ACYP2: variants seen among roughly 807,000 people sequenced by gnomAD.
ACYP2 encodes acylphosphatase 2.
A neutral mutation model predicts 11.2 loss-of-function variants in ACYP2; 12 were observed. That is an observed-to-expected ratio of 1.08 (90% confidence interval 0.69 to 1.74). The LOEUF (loss-of-function observed/expected upper bound fraction) is 1.74, where lower values mean the gene tolerates loss of function less well. ACYP2 is among the 40% of genes most tolerant of loss of function. The pLI is 0.00. For missense variants in ACYP2, 134 were observed against 101.9 expected, an observed-to-expected ratio of 1.31 and a Z score of -1.35; for synonymous variants, 43 against 32.2, an observed-to-expected ratio of 1.33 and a Z score of -1.13.
chr2:54,009,975 C>CCT (rs1217005304), intron 2 of ACYP2, among the ~76,000 whole-genome samples: 1 of 152,128 alleles, frequency 6.6e-6, no homozygotes, highest in Non-Finnish European at 1.5e-5. Flanking sequence ...ACCCTAAAAT[C>CCT]TGCAGCTTTA....
At chr2:54,129,000 C>T (rs13420388) in intron 4 of ACYP2, among the ~76,000 whole-genome samples, 7,853 of 152,162 alleles carry the variant, frequency 0.052, 630 homozygotes, top group African/African-American at 0.18. Flanking sequence ...TTCCTTAATC[C>T]GGTCAAATTG....
intron 4 of ACYP2, among the ~76,000 whole-genome samples, chr2:54,114,176 G>T (rs563831690): frequency 2.0e-4 from 31 of 152,288 alleles, no homozygotes; most frequent in African/African-American, 6.7e-4. Context: ...CCAAGGTATT[G>T]AGGCCAACAA....
At chr2:54,125,822 C>G (rs956076451) in intron 4 of ACYP2, among the ~76,000 whole-genome samples, 2 of 152,038 alleles carry the variant, frequency 1.3e-5, no homozygotes, top group African/African-American at 2.4e-5. Context: ...TGGCTCACGC[C>G]TGTAATCCCA....
intron 4 of ACYP2, among the ~76,000 whole-genome samples, chr2:54,076,210 A>G (rs1173470185): frequency 1.3e-5 from 2 of 152,244 alleles, no homozygotes; most frequent in African/African-American, 4.8e-5. Context: ...TGCCAAACTG[A>G]TAACACCAGA....
intron 6 of ACYP2, among the ~76,000 whole-genome samples, chr2:54,160,792 C>T (rs1222461077): frequency 6.6e-6 from 1 of 152,048 alleles, no homozygotes; most frequent in African/African-American, 2.4e-5. Context: ...AGTTTCAGGC[C>T]AGGGAGTGAC....
At chr2:54,293,898 C>G (rs1457158816) in intron 6 of ACYP2, among the ~76,000 whole-genome samples, 1 of 152,124 alleles carries the variant, frequency 6.6e-6, no homozygotes, top group East Asian at 1.9e-4. Flanking sequence ...CCACATGTAA[C>G]TGAATAAAGA....
chr2:54,012,541 T>C (rs188133174), intron 2 of ACYP2, among the ~76,000 whole-genome samples: 3 of 152,200 alleles, frequency 2.0e-5, no homozygotes, highest in Non-Finnish European at 2.9e-5. Flanking sequence ...ATAAAGCATT[T>C]TGTATTTGTC....
At chr2:54,015,645 T>TCTCACACACACACACACACACACA (rs1322863615) in intron 2 of ACYP2, among the ~76,000 whole-genome samples, 2 of 130,420 alleles carry the variant, frequency 1.5e-5, no homozygotes, top group African/African-American at 6.2e-5. Context: ...TGAGACCCCG[T>TCTCACACACACACACACACACACA]CACACACACA....
At chr2:53,985,534 A>G (rs1032243731) in intron 2 of ACYP2, among the ~76,000 whole-genome samples, 1 of 152,220 alleles carries the variant, frequency 6.6e-6, no homozygotes, top group African/African-American at 2.4e-5. Context: ...TTAAATGTTC[A>G]TAGCAGCACT....
intron 2 of ACYP2, among the ~76,000 whole-genome samples, chr2:54,035,028 A>AAAAAAAAAAAAAAAAAAAAAAAC (rs1674811283): frequency 1.4e-5 from 2 of 141,712 alleles, no homozygotes; most frequent in Non-Finnish European, 1.5e-5. Context: ...AAAAAAAAAA[A>AAAAAAAAAAAAAAAAAAAAAAAC]AAAAGCCTAG....
At chr2:54,129,776 A>G (rs1400702660) in intron 4 of ACYP2, among the ~76,000 whole-genome samples, 1 of 149,336 alleles carries the variant, frequency 6.7e-6, no homozygotes, top group Non-Finnish European at 1.5e-5. Context: ...TAAATTGAGC[A>G]TCATCACTTT....
At chr2:54,252,788 C>T (rs1364159164) in intron 6 of ACYP2, among the ~76,000 whole-genome samples, 3 of 152,040 alleles carry the variant, frequency 2.0e-5, no homozygotes, top group African/African-American at 4.8e-5. Context: ...CCTGTAGTCC[C>T]AGCTACTCGG....
At chr2:54,188,607 C>CAT (rs1558598430) in intron 6 of ACYP2, among the ~76,000 whole-genome samples, 1 of 152,098 alleles carries the variant, frequency 6.6e-6, no homozygotes, top group Non-Finnish European at 1.5e-5. Flanking sequence ...TTATGTAGTA[C>CAT]TTTTCGTATT....
intron 6 of ACYP2, among the ~76,000 whole-genome samples, chr2:54,248,609 C>T (rs1182217357): frequency 6.6e-6 from 1 of 152,104 alleles, no homozygotes; most frequent in East Asian, 1.9e-4. Flanking sequence ...CCCAAGCTTA[C>T]ACTTAAGTTT....
At chr2:54,091,528 T>TATTTATTTATTG (rs1678232383) in intron 4 of ACYP2, among the ~76,000 whole-genome samples, 2 of 149,100 alleles carry the variant, frequency 1.3e-5, no homozygotes, top group African/African-American at 5.1e-5. Flanking sequence ...TTTATTTATT[T>TATTTATTTATTG]ATTGAGACAG....
chr2:54,039,330 T>C (rs1407674257), intron 2 of ACYP2, among the ~76,000 whole-genome samples: 2 of 151,570 alleles, frequency 1.3e-5, no homozygotes, highest in East Asian at 3.9e-4. Context: ...TCCCACTCTG[T>C]GGCCCAGGCT....
intron 4 of ACYP2, among the ~76,000 whole-genome samples, chr2:54,133,298 A>G (rs1051967800): frequency 6.6e-6 from 1 of 152,138 alleles, no homozygotes; most frequent in Admixed American, 6.5e-5. Context: ...TGTTGCTTGT[A>G]TCCCTGGTTC....
chr2:54,067,193 C>CT (rs1255570944), intron 4 of ACYP2, among the ~76,000 whole-genome samples: 2 of 152,144 alleles, frequency 1.3e-5, no homozygotes, highest in Admixed American at 1.3e-4. Context: ...AAAGTTAAGT[C>CT]TAAGTAAAAT....
chr2:54,223,240 A>G (rs1156850858), intron 6 of ACYP2, among the ~76,000 whole-genome samples: 2 of 152,206 alleles, frequency 1.3e-5, no homozygotes, highest in Non-Finnish European at 2.9e-5. Flanking sequence ...TTCAACATTG[A>G]CAATTTTGTT....
Sources: gnomAD v4.1 joint callset for allele counts (sites outside exome capture counted in the v4.1 genomes callset) on GRCh38, gnomAD v4.1.1 for gene constraint, MANE v1.5 for transcripts, NCBI Gene and HGNC (gene_info 2026-07-23, HGNC 2026-07-21) for gene names.